Variants in MAPKAP1 observed in about 807,000 individuals in gnomAD.
The protein encoded by MAPKAP1 is target of rapamycin complex 2 subunit MAPKAP1.
MAPKAP1 carries 20 observed loss-of-function variants against 65.7 expected under a neutral mutation model. The ratio of observed to expected loss-of-function variants is 0.30; its 90% CI spans 0.21 to 0.44. MAPKAP1 has a LOEUF of 0.44. MAPKAP1 is among the 20% of genes least tolerant of loss of function. The pLI is 1.00. For missense variants in MAPKAP1, 423 were observed against 648.0 expected, an observed-to-expected ratio of 0.65 and a Z score of 3.77; for synonymous variants, 222 against 244.3, an observed-to-expected ratio of 0.91 and a Z score of 0.85.
intron 5 of MAPKAP1, among the ~76,000 whole-genome samples, chr9:125,578,616 G>A (rs997314060): frequency 6.6e-6 from 1 of 152,116 alleles, no homozygotes; most frequent in African/African-American, 2.4e-5. Flanking sequence ...TGCTGATGAA[G>A]CAAAGAAACA....
chr9:125,699,975 T>C (rs1200255195), intron 1 of MAPKAP1, among the ~76,000 whole-genome samples: 1 of 152,208 alleles, frequency 6.6e-6, no homozygotes, highest in Non-Finnish European at 1.5e-5. Context: ...CCAGAAGCAC[T>C]ACAGTACTTA....
chr9:125,656,509 T>C (rs1045078014), intron 4 of MAPKAP1, among the ~76,000 whole-genome samples: 7 of 152,170 alleles, frequency 4.6e-5, no homozygotes, highest in African/African-American at 1.4e-4. Flanking sequence ...AATAACCTCA[T>C]GTGCCAGTGG....
rs571012582 is a variant in MAPKAP1 at position 125,549,932 on chromosome 9, C to T, written c.849-6764G>A. 3.9e-5 allele frequency among the ~76,000 whole-genome samples: 6 copies of T among 152,304 alleles called. No individual in the cohort carries two copies. The South Asian group carries it at 1.0e-3, about 26-fold the overall frequency. ...ACTGCAAAGACATTCACATTCCGTTCAGAATATAAAACACACCGTGGGCTA... is the reference window on the plus strand; with the variant it reads ...ACTGCAAAGACATTCACATTCCGTTTAGAATATAAAACACACCGTGGGCTA... On this transcript the variant is annotated intron_variant, in intron 6 of 11. Transcript: ENST00000265960.
chr9:125,545,858 T>A (rs1830406808), intron 6 of MAPKAP1, among the ~76,000 whole-genome samples: 1 of 152,216 alleles, frequency 6.6e-6, no homozygotes. Flanking sequence ...CAGGCATTAC[T>A]GATAAATTGT....
At chr9:125,695,100 T>C (rs1037900593) in intron 1 of MAPKAP1, among the ~76,000 whole-genome samples, 5 of 152,254 alleles carry the variant, frequency 3.3e-5, no homozygotes, top group Non-Finnish European at 5.9e-5. Flanking sequence ...TTGGAATTTT[T>C]ATTTTAATTT....
chr9:125,614,909 G>T (rs1156664879), intron 4 of MAPKAP1, among the ~76,000 whole-genome samples: 1 of 151,928 alleles, frequency 6.6e-6, no homozygotes, highest in African/African-American at 2.4e-5. Context: ...GCAATAAAAA[G>T]AATTTTTTAA....
intron 10 of MAPKAP1, among the ~76,000 whole-genome samples, chr9:125,462,156 AT>A (rs2132977171): frequency 6.6e-6 from 1 of 152,296 alleles, no homozygotes; most frequent in South Asian, 2.1e-4. Flanking sequence ...AGAACTACCC[AT>A]GTCAAATAGG....
intron 4 of MAPKAP1, among the ~76,000 whole-genome samples, chr9:125,657,107 T>G (rs1025490999): frequency 2.0e-5 from 3 of 152,142 alleles, no homozygotes; most frequent in Non-Finnish European, 4.4e-5. Context: ...AAACAATTTC[T>G]ACAGTTATAA....
At chr9:125,613,872 A>G (rs570407018) in intron 4 of MAPKAP1, among the ~76,000 whole-genome samples, 6 of 150,982 alleles carry the variant, frequency 4.0e-5, no homozygotes, top group Non-Finnish European at 7.4e-5. Flanking sequence ...ATCTCAGCTC[A>G]CTGCAAGCTC....
chr9:125,442,094 AC>A (rs1330538488), intron 11 of MAPKAP1, among the ~76,000 whole-genome samples: 1 of 126,650 alleles, frequency 7.9e-6, no homozygotes, highest in East Asian at 2.6e-4. Context: ...ACACGACTAC[AC>A]CCCAGCCTGT....
chr9:125,586,187 GAGACTGGGGGCT>G (rs1375017220), intron 4 of MAPKAP1, among the ~76,000 whole-genome samples: 4 of 152,160 alleles, frequency 2.6e-5, no homozygotes, highest in Admixed American at 6.5e-5. Context: ...TGCCTTCTCA[GAGACTGGGGGCT>G]AGTTCCACTA....
intron 7 of MAPKAP1, chr9:125,521,570 G>A (rs1829618668): frequency 7.1e-7 from 1 of 1,411,852 alleles, no homozygotes; most frequent in East Asian, 2.7e-5. Context: ...GGTTGATGGG[G>A]ATCCAGGGTG....
chr9:125,450,861 A>C (rs1852921166), intron 10 of MAPKAP1, among the ~76,000 whole-genome samples: 1 of 152,174 alleles, frequency 6.6e-6, no homozygotes, highest in Middle Eastern at 3.2e-3. Flanking sequence ...TCTGGGCTGA[A>C]AACTCCCTCC....
At chr9:125,589,822 G>A (rs538503682) in intron 4 of MAPKAP1, among the ~76,000 whole-genome samples, 24 of 151,728 alleles carry the variant, frequency 1.6e-4, no homozygotes, top group African/African-American at 5.1e-4. Flanking sequence ...ACCCACACTC[G>A]CTGTCCCTCT....
rs188398146 is a variant in MAPKAP1, at chr9:125,583,374, G to A, written c.671+2181C>T. 8.8e-4 allele frequency among the ~76,000 whole-genome samples: 134 copies of A among 152,244 alleles called. No individual in the cohort carries two copies. The Middle Eastern group carries it at 0.01, about 12-fold the overall frequency. On this transcript the variant is annotated intron_variant, in intron 5 of 11. Transcript: ENST00000265960. ...TCCTTGTAAGCACCTGATTTTGCAC[G>A]TAATTGTATTATATTGTTATTACCT...
chr9:125,517,033 T>G (rs1829481070), intron 7 of MAPKAP1, among the ~76,000 whole-genome samples: 1 of 152,146 alleles, frequency 6.6e-6, no homozygotes, highest in Non-Finnish European at 1.5e-5. Flanking sequence ...GGCCCTACAA[T>G]AATCCCACTT....
intron 5 of MAPKAP1, chr9:125,565,846 T>C (rs558359282): frequency 2.5e-5 from 7 of 281,570 alleles, no homozygotes; most frequent in African/African-American, 4.7e-5. Context: ...GTGTAACACA[T>C]AGTAGGCCCT....
intron 1 of MAPKAP1, among the ~76,000 whole-genome samples, chr9:125,683,395 T>A (rs756006417): frequency 2.6e-5 from 4 of 152,150 alleles, no homozygotes; most frequent in Non-Finnish European, 5.9e-5. Context: ...TAAGACTCCA[T>A]CTTAGCCACC....
intron 8 of MAPKAP1, among the ~76,000 whole-genome samples, chr9:125,495,005 A>C (rs1854887648): frequency 6.6e-6 from 1 of 152,198 alleles, no homozygotes; most frequent in South Asian, 2.1e-4. Flanking sequence ...ATGAAGCATG[A>C]CCACTTAAGG....
Sources: gnomAD v4.1 joint callset for allele counts (sites outside exome capture counted in the v4.1 genomes callset) on GRCh38, gnomAD v4.1.1 for gene constraint, MANE v1.5 for transcripts, NCBI Gene and HGNC (gene_info 2026-07-23, HGNC 2026-07-21) for gene names.